Variants in ISM1 observed in about 807,000 individuals in gnomAD.
ISM1 encodes the protein isthmin-1.
A neutral mutation model predicts 46.3 loss-of-function variants in ISM1; 25 were observed. The observed-to-expected ratio is 0.54, with a 90% confidence interval of 0.39 to 0.75. ISM1 has a LOEUF of 0.75. Ranked by LOEUF, ISM1 falls within the 30% of genes least tolerant of loss-of-function variation. The pLI is 0.00. For missense variants in ISM1, 536 were observed against 625.4 expected, an observed-to-expected ratio of 0.86 and a Z score of 1.52; for synonymous variants, 255 against 256.7, an observed-to-expected ratio of 0.99 and a Z score of 0.06.
chr20:13,268,114 GTCTTCTCTTC>G (rs766774336), intron 1 of ISM1, among the ~76,000 whole-genome samples: 15,510 of 140,376 alleles, frequency 0.11, 950 homozygotes, highest in Admixed American at 0.15. Flanking sequence ...CTCCTCTCCT[GTCTTCTCTTC>G]TCTTCTCTTC....
intron 5 of ISM1, among the ~76,000 whole-genome samples, chr20:13,298,492 T>A (rs1240514996): frequency 6.6e-6 from 1 of 152,228 alleles, no homozygotes; most frequent in African/African-American, 2.4e-5. Flanking sequence ...GGATCACGGT[T>A]ATCTAGGAAA....
At chr20:13,324,105 T>C in the ISM1 span, among the ~76,000 whole-genome samples, 1 of 152,212 alleles carries the variant, frequency 6.6e-6, no homozygotes, top group Non-Finnish European at 1.5e-5. Context: ...AAAAACATAC[T>C]GTAACTTTCA....
intron 1 of ISM1, among the ~76,000 whole-genome samples, chr20:13,260,898 G>T (rs904305371): frequency 6.6e-6 from 1 of 152,212 alleles, no homozygotes; most frequent in Non-Finnish European, 1.5e-5. Flanking sequence ...GCCAGGGCTG[G>T]ATGGTCTAGG....
chr20:13,286,078 T>G (rs1375859848), intron 3 of ISM1, among the ~76,000 whole-genome samples: 1 of 152,208 alleles, frequency 6.6e-6, no homozygotes, highest in Admixed American at 6.5e-5. Flanking sequence ...GACTTACTCA[T>G]TCCCCCTTTT....
At chr20:13,242,793 A>T (rs958764101) in intron 1 of ISM1, among the ~76,000 whole-genome samples, 3 of 152,162 alleles carry the variant, frequency 2.0e-5, no homozygotes, top group African/African-American at 4.8e-5. Flanking sequence ...AGCTTAAGAC[A>T]TCGGGTTCCT....
intron 1 of ISM1, among the ~76,000 whole-genome samples, chr20:13,253,712 G>A (rs1019082596): frequency 6.6e-6 from 1 of 151,950 alleles, no homozygotes; most frequent in Non-Finnish European, 1.5e-5. Context: ...CTGGCCTGGG[G>A]CCCCCATTTT....
At chr20:13,238,339 A>G (rs1478491089) in intron 1 of ISM1, among the ~76,000 whole-genome samples, 2 of 152,156 alleles carry the variant, frequency 1.3e-5, no homozygotes, top group Non-Finnish European at 2.9e-5. Flanking sequence ...ATGAGAGGCA[A>G]TCTACTTCAA....
intron 1 of ISM1, among the ~76,000 whole-genome samples, chr20:13,229,025 T>A (rs530482554): frequency 6.6e-6 from 1 of 152,264 alleles, no homozygotes; most frequent in East Asian, 1.9e-4. Flanking sequence ...GCCCTCAGCC[T>A]TTTCTCCTAA....
intron 1 of ISM1, among the ~76,000 whole-genome samples, chr20:13,266,034 C>T (rs1359250849): frequency 6.6e-6 from 1 of 152,142 alleles, no homozygotes; most frequent in Non-Finnish European, 1.5e-5. Context: ...GAGAGAAAGG[C>T]AAATGGCAAA....
chr20:13,277,389 G>T (rs967871279), intron 2 of ISM1, among the ~76,000 whole-genome samples: 1 of 152,110 alleles, frequency 6.6e-6, no homozygotes, highest in African/African-American at 2.4e-5. Context: ...TAATAGCCTT[G>T]CAGACGATTG....
chr20:13,312,307 T>C, the ISM1 span, among the ~76,000 whole-genome samples: 1 of 152,184 alleles, frequency 6.6e-6, no homozygotes, highest in Non-Finnish European at 1.5e-5. Flanking sequence ...AGTCGGCATG[T>C]GTGGCCAGTG....
intron 1 of ISM1, among the ~76,000 whole-genome samples, chr20:13,261,070 CA>C (rs1183529439): frequency 6.6e-6 from 1 of 152,180 alleles, no homozygotes; most frequent in East Asian, 1.9e-4. Context: ...TCCTAAGGCA[CA>C]AGTGCTTTTC....
At chr20:13,271,323 A>G (rs6109788) in intron 2 of ISM1, among the ~76,000 whole-genome samples, 34,711 of 152,156 alleles carry the variant, frequency 0.23, 4,117 homozygotes, top group African/African-American at 0.28. Flanking sequence ...AGTTCCTAGG[A>G]GAGAGATGAC....
chr20:13,275,834 T>C (rs1457805704), intron 2 of ISM1, among the ~76,000 whole-genome samples: 3 of 152,190 alleles, frequency 2.0e-5, no homozygotes, highest in East Asian at 1.9e-4. Flanking sequence ...GAAGAACTGG[T>C]TCAGAGACCA....
chr20:13,309,284 T>C, the ISM1 span, among the ~76,000 whole-genome samples: 81 of 151,636 alleles, frequency 5.3e-4, no homozygotes, highest in Non-Finnish European at 1.0e-3. Flanking sequence ...ATTTTATTTC[T>C]TTAAAAAAAA....
chr20:13,234,587 C>A (rs1385517003), intron 1 of ISM1, among the ~76,000 whole-genome samples: 7 of 152,160 alleles, frequency 4.6e-5, no homozygotes, highest in Non-Finnish European at 1.0e-4. Context: ...TATAAGTGTG[C>A]CCTTTTAGCC....
At chr20:13,301,154 C>T (rs2040455133), downstream of ISM1, among the ~76,000 whole-genome samples, 1 of 152,130 alleles carries the variant, frequency 6.6e-6, no homozygotes, top group Non-Finnish European at 1.5e-5. Flanking sequence ...GTTATCCTGA[C>T]ACAATTCTAT....
In ISM1 at chr20:13,292,386, CT is replaced by C; in HGVS notation, c.804del (p.Phe268LeufsTer8). ...DRPNCPGIED[T>X]FRTAATEVSL... Reference sequence around the variant, plus strand: ...TGTCTGTGTTTAGGAATTGAAGACACTTTTAGGACAGCTGCCACCGAAGTGA... The same window carrying C: ...TGTCTGTGTTTAGGAATTGAAGACACTTTAGGACAGCTGCCACCGAAGTGA... On this transcript the variant is annotated frameshift_variant, in exon 5 of 6. Coordinates refer to ENST00000262487, the MANE Select transcript of ISM1 (RefSeq NM_080826.2). LOFTEE classifies it high-confidence loss of function. The C allele has an allele frequency of 6.2e-7, 1 of 1,601,212 alleles. No individual in the cohort carries two copies.
chr20:13,249,101 G>A (rs1484094104), intron 1 of ISM1, among the ~76,000 whole-genome samples: 1 of 152,190 alleles, frequency 6.6e-6, no homozygotes, highest in African/African-American at 2.4e-5. Context: ...ATTACTCATT[G>A]TTGGGTGGAA....
Sources: gnomAD v4.1 joint callset for allele counts (sites outside exome capture counted in the v4.1 genomes callset) on GRCh38, gnomAD v4.1.1 for gene constraint, MANE v1.5 for transcripts, NCBI Gene and HGNC (gene_info 2026-07-23, HGNC 2026-07-21) for gene names.